Variants in STARD13 observed in about 807,000 individuals in gnomAD.
The protein encoded by STARD13 is stAR-related lipid transfer protein 13.
Under a neutral mutation model 106.4 loss-of-function variants are expected in STARD13, and 62 were observed. The ratio of observed to expected loss-of-function variants is 0.58; its 90% CI spans 0.48 to 0.72. STARD13 has a LOEUF of 0.72. Among genes scored for constraint, STARD13 ranks in the 30% least tolerant of loss-of-function variants. The pLI is 0.00. For missense variants in STARD13, 1,387 were observed against 1,424.0 expected, an observed-to-expected ratio of 0.97 and a Z score of 0.42; for synonymous variants, 565 against 553.0, an observed-to-expected ratio of 1.02 and a Z score of -0.31.
intron 3 of STARD13, chr13:33,158,751 C>T (rs1882279377): frequency 6.6e-6 from 1 of 152,090 alleles, no homozygotes; most frequent in Non-Finnish European, 1.5e-5. Flanking sequence ...TGCTGCCGTT[C>T]CCCGCGGACT....
At chr13:33,305,408 C>G (rs1206821041) in intron 1 of STARD13, among the ~76,000 whole-genome samples, 2 of 152,186 alleles carry the variant, frequency 1.3e-5, no homozygotes, top group African/African-American at 4.8e-5. Flanking sequence ...CCGTGTCCTC[C>G]ACGGTAACTA....
the STARD13 span, among the ~76,000 whole-genome samples, chr13:33,636,869 AG>A: frequency 1.3e-5 from 2 of 152,172 alleles, no homozygotes; most frequent in Non-Finnish European, 2.9e-5. Flanking sequence ...AGCTGGTTCT[AG>A]GGACCTCTGA....
chr13:33,220,642 A>G (rs998578319), intron 1 of STARD13, among the ~76,000 whole-genome samples: 1 of 152,208 alleles, frequency 6.6e-6, no homozygotes, highest in African/African-American at 2.4e-5. Context: ...CAGTGAGCCA[A>G]GATTGTGCCA....
chr13:33,496,099 A>G, the STARD13 span, among the ~76,000 whole-genome samples: 5 of 142,304 alleles, frequency 3.5e-5, no homozygotes, highest in Non-Finnish European at 7.6e-5. Flanking sequence ...TTAACTAAAT[A>G]ATTATTTAAA....
intron 13 of STARD13, among the ~76,000 whole-genome samples, chr13:33,106,097 A>G (rs756338654): frequency 1.3e-5 from 2 of 152,248 alleles, no homozygotes; most frequent in Non-Finnish European, 2.9e-5. Context: ...AAGAACTACC[A>G]GAGGGAGCAG....
the STARD13 span, among the ~76,000 whole-genome samples, chr13:33,504,926 A>G: frequency 2.6e-5 from 4 of 152,166 alleles, no homozygotes; most frequent in African/African-American, 9.7e-5. Context: ...GAAAGGTCTT[A>G]CTTCTGCAGA....
chr13:33,536,453 T>C, the STARD13 span, among the ~76,000 whole-genome samples: 1 of 152,226 alleles, frequency 6.6e-6, no homozygotes, highest in Non-Finnish European at 1.5e-5. Flanking sequence ...AAATATATTT[T>C]CCCATCATGG....
chr13:33,615,460 T>C, the STARD13 span, among the ~76,000 whole-genome samples: 148 of 152,352 alleles, frequency 9.7e-4, no homozygotes, highest in African/African-American at 3.4e-3. Flanking sequence ...TTGGCACCAC[T>C]GATTTACATA....
chr13:33,313,700 A>C (rs1044992115), intron 1 of STARD13, among the ~76,000 whole-genome samples: 2 of 152,170 alleles, frequency 1.3e-5, no homozygotes, highest in African/African-American at 4.8e-5. Context: ...TGATGTTGAC[A>C]GACTAGAAAT....
At position 33,307,035 on chromosome 13, in the gene STARD13, G is replaced by T. The variant is rs556650889; in HGVS notation, c.124+43255C>A. Among the ~76,000 whole-genome samples the T allele has an allele frequency of 2.0e-4, 30 of 152,098 alleles. 1 individual carries two copies. In the South Asian group the frequency reaches 5.8e-3, roughly 30 times the overall value. On this transcript the variant is annotated intron_variant, in intron 1 of 5. Transcript: ENST00000567873. ...TTTCTCAAAAGAAGACATTTATGCT[G>T]CCAGCAAACATATGAAAAAAAGCTC...
downstream of STARD13, among the ~76,000 whole-genome samples, chr13:33,344,077 C>T (rs2077992797): frequency 6.6e-6 from 1 of 152,140 alleles, no homozygotes; most frequent in South Asian, 2.1e-4. Context: ...TAAGGTAAGT[C>T]AGTGGTTCTC....
the STARD13 span, among the ~76,000 whole-genome samples, chr13:33,620,157 C>A: frequency 4.6e-5 from 7 of 152,024 alleles, no homozygotes; most frequent in Non-Finnish European, 8.8e-5. Flanking sequence ...AACTAATAGA[C>A]AAATAGACAC....
chr13:33,190,191 C>A (rs1432770341), intron 1 of STARD13, among the ~76,000 whole-genome samples: 1 of 151,960 alleles, frequency 6.6e-6, no homozygotes, highest in Non-Finnish European at 1.5e-5. Context: ...GCCTGTAATC[C>A]CAGCACTTTG....
the STARD13 span, among the ~76,000 whole-genome samples, chr13:33,617,766 G>A: frequency 6.6e-6 from 1 of 152,188 alleles, no homozygotes; most frequent in African/African-American, 2.4e-5. Context: ...TGGTATAGGG[G>A]CTGGGCTTTA....
At chr13:33,418,230 TG>T in the STARD13 span, among the ~76,000 whole-genome samples, 1 of 152,248 alleles carries the variant, frequency 6.6e-6, no homozygotes, top group Non-Finnish European at 1.5e-5. Context: ...AGGACACTTT[TG>T]CCCAAATACT....
At chr13:33,227,085 C>T (rs1169263258) in intron 1 of STARD13, among the ~76,000 whole-genome samples, 1 of 152,214 alleles carries the variant, frequency 6.6e-6, no homozygotes, top group East Asian at 1.9e-4. Flanking sequence ...AACTTCATTC[C>T]TAACCTTTAA....
the STARD13 span, among the ~76,000 whole-genome samples, chr13:33,366,700 G>C: frequency 6.6e-6 from 1 of 152,188 alleles, no homozygotes; most frequent in Admixed American, 6.5e-5. The surrounding 1 kb of genome is among the most constrained non-coding windows in gnomAD (Gnocchi z 4.2). Context: ...CGATAGTATT[G>C]TCCGGCTATT....
chr13:33,361,531 T>C, the STARD13 span, among the ~76,000 whole-genome samples: 1 of 152,162 alleles, frequency 6.6e-6, no homozygotes, highest in Non-Finnish European at 1.5e-5. Context: ...TATTAGTCCA[T>C]ACTCACACTG....
the STARD13 span, among the ~76,000 whole-genome samples, chr13:33,446,109 TAAAG>T: frequency 1.3e-5 from 2 of 152,172 alleles, no homozygotes; most frequent in Non-Finnish European, 2.9e-5. Context: ...AAGACAGTCT[TAAAG>T]AAGAGGTTAA....
Sources: gnomAD v4.1 joint callset for allele counts (sites outside exome capture counted in the v4.1 genomes callset) on GRCh38, gnomAD v4.1.1 for gene constraint, Gnocchi (gnomAD v3.1) non-coding constraint, MANE v1.5 for transcripts, NCBI Gene and HGNC (gene_info 2026-07-23, HGNC 2026-07-21) for gene names.